Variants in TRIM5 observed in about 807,000 individuals in gnomAD.
TRIM5 encodes tripartite motif containing 5.
Under a neutral mutation model 35.6 loss-of-function variants are expected in TRIM5, and 31 were observed. That is an observed-to-expected ratio of 0.87 (90% CI 0.65 to 1.18). The LOEUF is 1.18. Among genes scored for constraint, TRIM5 ranks in the 50% most tolerant of loss-of-function variants. The probability of loss-of-function intolerance (pLI) is 0.00; values close to 1 mark genes in which losing one functional copy is unlikely to be tolerated. For synonymous variants in TRIM5, 243 were observed against 215.6 expected (o/e 1.13, Z -1.11); for missense variants, 609 against 591.6 (o/e 1.03, Z -0.31).
chr11:5,643,005 C>T, the TRIM5 span: 1 of 1,319,398 alleles, frequency 7.6e-7, no homozygotes, highest in Admixed American at 2.8e-5. Context: ...TTCATCAGTG[C>T]AAGTTTTTCA....
rs371171018 is a variant in TRIM5 at position 5,666,071 on chromosome 11, C to T, written c.778G>A (p.Val260Met). ...VDGVIKRTEN[V>M]TLKKPETFPK... The stretch of plus-strand genomic sequence containing the variant: ...AAAGTTTCTGGCTTCTTCAAGGTCA[C>T]GTTCTCCGTCCTAAGAATTAAAAAA... Residue 260 changes from valine (V) to methionine (M), a missense_variant, in exon 6 of 8, where the codon GTG (valine) becomes ATG (methionine). Coordinates refer to ENST00000380034, the MANE Select transcript of TRIM5 (RefSeq NM_033034.3). 1.7e-5 allele frequency: 27 copies of T among 1,600,898 alleles called. No homozygotes were observed. The highest frequency in any genetic ancestry group is 2.1e-5 in the Non-Finnish European group (25 of 1,173,262).
At chr11:5,677,720 C>T (rs59301752) in intron 4 of TRIM5, among the ~76,000 whole-genome samples, 1,592 of 152,184 alleles carry the variant, frequency 0.01, 31 homozygotes, top group African/African-American at 0.036. Context: ...TGAGCCACCG[C>T]GCCCAGCCTT....
chr11:5,620,178 T>TC, the TRIM5 span, among the ~76,000 whole-genome samples: 4 of 125,026 alleles, frequency 3.2e-5, no homozygotes, highest in East Asian at 9.5e-4. Context: ...TTTTTTTTTT[T>TC]TTTTTTTTTT....
At chr11:5,680,351 A>C in intron 1 of TRIM5, 113 bp from the exon 2 acceptor site, 1 of 644,938 alleles carries the variant, frequency 1.6e-6, no homozygotes, top group Non-Finnish European at 2.4e-6. Context: ...AGGACAAAAA[A>C]AGGGGAGAAA....
At chr11:5,674,192 A>G (rs947596222) in intron 4 of TRIM5, among the ~76,000 whole-genome samples, 1 of 152,222 alleles carries the variant, frequency 6.6e-6, no homozygotes, top group African/African-American at 2.4e-5. Context: ...AAGAGGAGAC[A>G]TAAGTGTGTG....
At chr11:5,593,139 T>A in the TRIM5 span, among the ~76,000 whole-genome samples, 1 of 152,166 alleles carries the variant, frequency 6.6e-6, no homozygotes, top group Admixed American at 6.5e-5. Context: ...TGAAATTTGT[T>A]TTCATTTGGT....
At chr11:5,672,813 A>C (rs969919708) in intron 4 of TRIM5, among the ~76,000 whole-genome samples, 1 of 152,222 alleles carries the variant, frequency 6.6e-6, no homozygotes, top group African/African-American at 2.4e-5. Flanking sequence ...TATTGAAGGG[A>C]AGTTTCTGTA....
At chr11:5,667,833 C>T in intron 4 of TRIM5, 122 bp from the exon 5 acceptor site, 1 of 1,033,746 alleles carries the variant, frequency 9.7e-7, no homozygotes, top group Non-Finnish European at 1.4e-6. Flanking sequence ...GTGTGAAAGA[C>T]AAAAAAGCAA....
chr11:5,641,864 C>A, the TRIM5 span, among the ~76,000 whole-genome samples: 8 of 152,240 alleles, frequency 5.3e-5, no homozygotes, highest in African/African-American at 1.9e-4. Context: ...TTCTCCTTTG[C>A]CGAGTGTTCG....
At chr11:5,641,307 T>C in the TRIM5 span, 9 of 1,563,570 alleles carry the variant, frequency 5.8e-6, no homozygotes, top group Non-Finnish European at 7.8e-6. Flanking sequence ...AATTTGGATG[T>C]ATCGTTATCT....
rs577606751 is a variant in TRIM5, at chr11:5,664,021, G to C, written c.*788C>G. 7.2e-4 allele frequency: 118 copies of C among 163,926 alleles called. No individual in the cohort carries two copies. The highest frequency in any genetic ancestry group is 1.3e-3 in the Non-Finnish European group (103 of 78,754). The allele number at this position is 163,926 out of a possible 1,614,324, so 10.2% of individuals were successfully genotyped here. A position where few individuals can be genotyped will look rare whatever the true frequency, so the allele number is the denominator to read the frequency against. Reference sequence around the variant, plus strand: ...GTTCTAGACGAGCCTAACCAACATGGGGAAACCCCGTCTCTACTGAAAATA... The same window carrying C: ...GTTCTAGACGAGCCTAACCAACATGCGGAAACCCCGTCTCTACTGAAAATA... On this transcript the variant is annotated 3_prime_UTR_variant, in exon 8 of 8. Coordinates refer to ENST00000380034, the MANE Select transcript of TRIM5 (RefSeq NM_033034.3).
intron 4 of TRIM5, among the ~76,000 whole-genome samples, chr11:5,674,839 T>C (rs576408660): frequency 3.3e-5 from 5 of 152,200 alleles, no homozygotes; most frequent in South Asian, 2.1e-4. Context: ...ATGTAAAAAA[T>C]AGTTGAGCTC....
chr11:5,659,586 A>G (rs914434906), downstream of TRIM5, among the ~76,000 whole-genome samples: 1 of 152,240 alleles, frequency 6.6e-6, no homozygotes, highest in African/African-American at 2.4e-5. Flanking sequence ...TGTAATTCAT[A>G]TTCTTTTAAT....
At chr11:5,645,615 T>G in the TRIM5 span, 44 of 156,210 alleles carry the variant, frequency 2.8e-4, no homozygotes, top group East Asian at 7.6e-3. Context: ...GTGCATAGAA[T>G]GAGAGTACTT....
intron 4 of TRIM5, among the ~76,000 whole-genome samples, chr11:5,671,342 T>C (rs553620493): frequency 1.4e-5 from 2 of 140,502 alleles, no homozygotes; most frequent in Admixed American, 7.0e-5. Context: ...AAACAATAAA[T>C]AGAAAATATC....
the TRIM5 span, among the ~76,000 whole-genome samples, chr11:5,618,208 A>G: frequency 6.6e-6 from 1 of 152,136 alleles, no homozygotes; most frequent in Non-Finnish European, 1.5e-5. Flanking sequence ...CATCTCTACT[A>G]AAAATACAAA....
chr11:5,626,158 G>A, the TRIM5 span, among the ~76,000 whole-genome samples: 1,611 of 152,278 alleles, frequency 0.011, 26 homozygotes, highest in South Asian at 0.035. Flanking sequence ...TCCCAGAGGC[G>A]TCTAGTCAGG....
At chr11:5,678,101 G>A (rs1852131669) in intron 4 of TRIM5, 103 bp downstream of exon 4, 2 of 989,312 alleles carry the variant, frequency 2.0e-6, no homozygotes, top group Non-Finnish European at 2.9e-6. Flanking sequence ...AAGCGGTCCT[G>A]CAGAGAACAT....
At chr11:5,635,625 T>C in the TRIM5 span, among the ~76,000 whole-genome samples, 1 of 152,144 alleles carries the variant, frequency 6.6e-6, no homozygotes, top group Non-Finnish European at 1.5e-5. Flanking sequence ...TGGACAAATA[T>C]ATAGACAGAC....
Sources: gnomAD v4.1 joint callset for allele counts (sites outside exome capture counted in the v4.1 genomes callset) on GRCh38, gnomAD v4.1.1 for gene constraint, MANE v1.5 for transcripts, NCBI Gene and HGNC (gene_info 2026-07-23, HGNC 2026-07-21) for gene names.